The following CPNE4 variants were observed in gnomAD, a reference collection of about 807,000 sequenced individuals.
CPNE4 encodes the protein copine 4.
A neutral mutation model predicts 67.9 loss-of-function variants in CPNE4; 25 were observed. The observed-to-expected ratio is 0.37, with a 90% confidence interval of 0.27 to 0.51. CPNE4 has a LOEUF of 0.51. Among genes scored for constraint, CPNE4 ranks in the 20% least tolerant of loss-of-function variants. The pLI is 0.93. For synonymous variants in CPNE4, 242 were observed against 244.9 expected (o/e 0.99, Z 0.11); for missense variants, 464 against 690.8 (o/e 0.67, Z 3.68).
intron 2 of CPNE4, among the ~76,000 whole-genome samples, chr3:131,726,142 T>C (rs34314225): frequency 0.38 from 57,332 of 152,076 alleles, 10,928 homozygotes; most frequent in South Asian, 0.42. Flanking sequence ...GTTTAGATGA[T>C]AGAAGACAGG....
intron 2 of CPNE4, among the ~76,000 whole-genome samples, chr3:131,774,681 G>A (rs73220493): frequency 0.06 from 9,102 of 152,064 alleles, 343 homozygotes; most frequent in Non-Finnish European, 0.089. Context: ...GGTGCTTCAG[G>A]GTCTTCTACC....
chr3:131,882,773 G>A (rs1416159588), intron 2 of CPNE4, among the ~76,000 whole-genome samples: 1 of 145,560 alleles, frequency 6.9e-6, no homozygotes. Context: ...CCAGGCTGCA[G>A]TGGCACGATC....
rs55962721 is a variant in CPNE4 at position 131,603,008 on chromosome 3, T to G, written c.682-15426A>C. Among the ~76,000 whole-genome samples the G allele has an allele frequency of 9.9e-3, 1,501 of 152,262 alleles. 22 individuals are homozygous for G. The highest frequency in any genetic ancestry group is 0.053 in the East Asian group (274 of 5,178). On this transcript the variant is annotated intron_variant, in intron 7 of 15. Transcript: ENST00000429747. ...CTGATGAAGCACTGCTATAAAAAGT[T>G]CTGAAATTATAAGTATCTCTCCTTT...
At chr3:131,890,728 G>C (rs1179676643) in intron 2 of CPNE4, among the ~76,000 whole-genome samples, 1 of 152,050 alleles carries the variant, frequency 6.6e-6, no homozygotes, top group Non-Finnish European at 1.5e-5. Flanking sequence ...AGCAAAGAAA[G>C]TGTTGTATAA....
intron 2 of CPNE4, among the ~76,000 whole-genome samples, chr3:131,829,774 T>C (rs971316357): frequency 6.6e-6 from 1 of 152,234 alleles, no homozygotes; most frequent in African/African-American, 2.4e-5. Context: ...TTAAGCATCA[T>C]TTGTTTTTGA....
chr3:131,553,537 G>T (rs1013416534), intron 12 of CPNE4, among the ~76,000 whole-genome samples: 4 of 152,006 alleles, frequency 2.6e-5, no homozygotes, highest in Admixed American at 6.6e-5. Context: ...ATCCCTTGGG[G>T]TCCATGTGTG....
intron 7 of CPNE4, among the ~76,000 whole-genome samples, chr3:131,663,457 A>G (rs993624047): frequency 6.6e-6 from 1 of 152,258 alleles, no homozygotes. Context: ...TTGCACATGT[A>G]TCCTAGAACT....
At chr3:131,910,771 G>T (rs2088945950) in intron 1 of CPNE4, among the ~76,000 whole-genome samples, 1 of 152,144 alleles carries the variant, frequency 6.6e-6, no homozygotes, top group Non-Finnish European at 1.5e-5. Flanking sequence ...TGCACTTACT[G>T]GATAAAGGGC....
At chr3:131,921,571 G>T (rs1450307317) in intron 1 of CPNE4, among the ~76,000 whole-genome samples, 1 of 152,102 alleles carries the variant, frequency 6.6e-6, no homozygotes, top group African/African-American at 2.4e-5. Flanking sequence ...TTTTTAATCA[G>T]ATATCCTGAG....
intron 1 of CPNE4, among the ~76,000 whole-genome samples, chr3:131,932,331 A>C (rs753175059): frequency 3.3e-5 from 5 of 152,160 alleles, no homozygotes; most frequent in Non-Finnish European, 7.4e-5. Context: ...TCTGTGTCAA[A>C]GTGAGCCCAG....
intron 2 of CPNE4, among the ~76,000 whole-genome samples, chr3:131,751,543 T>TTGTA (rs1331699033): frequency 2.0e-5 from 3 of 152,256 alleles, no homozygotes; most frequent in Admixed American, 2.0e-4. Context: ...TTTATTTTCT[T>TTGTA]TTAAGTGTAT....
chr3:131,825,645 A>G (rs1054891174), intron 2 of CPNE4, among the ~76,000 whole-genome samples: 2 of 152,198 alleles, frequency 1.3e-5, no homozygotes, highest in African/African-American at 4.8e-5. Flanking sequence ...ACTGAAAAAG[A>G]TTTGAGCCAG....
At chr3:131,850,014 T>C (rs2086173460) in intron 2 of CPNE4, among the ~76,000 whole-genome samples, 1 of 152,170 alleles carries the variant, frequency 6.6e-6, no homozygotes, top group Admixed American at 6.5e-5. Context: ...ATTGTGAGTA[T>C]AGATGCTATA....
At chr3:131,792,623 A>ATATATATATACACGTGTGTATATATG (rs1560321051) in intron 2 of CPNE4, among the ~76,000 whole-genome samples, 14 of 76,042 alleles carry the variant, frequency 1.8e-4, no homozygotes, top group African/African-American at 6.4e-4. Flanking sequence ...ATATATGTAT[A>ATATATATATACACGTGTGTATATATG]TATATATACA....
At chr3:131,547,300 T>C (rs545847201) in intron 14 of CPNE4, among the ~76,000 whole-genome samples, 71 of 151,210 alleles carry the variant, frequency 4.7e-4, no homozygotes, top group African/African-American at 1.6e-3. Context: ...ACAAAAAATA[T>C]AAAAATTAGC....
At chr3:131,641,482 A>G (rs1364629723) in intron 7 of CPNE4, among the ~76,000 whole-genome samples, 2 of 152,174 alleles carry the variant, frequency 1.3e-5, no homozygotes, top group Non-Finnish European at 2.9e-5. Context: ...TCACATCTGC[A>G]AAAATGGCCA....
At chr3:131,856,583 T>C (rs1306003410) in intron 2 of CPNE4, among the ~76,000 whole-genome samples, 1 of 151,982 alleles carries the variant, frequency 6.6e-6, no homozygotes, top group African/African-American at 2.4e-5. Context: ...GCTAAGGTCC[T>C]GGAAGAGAAT....
intron 1 of CPNE4, among the ~76,000 whole-genome samples, chr3:131,931,134 T>C (rs920637581): frequency 1.3e-5 from 2 of 151,828 alleles, no homozygotes; most frequent in Non-Finnish European, 3.0e-5. Flanking sequence ...GTTTCCGTTA[T>C]GGTAGGAAGT....
chr3:131,955,681 G>A (rs1011890155), intron 1 of CPNE4, among the ~76,000 whole-genome samples: 5 of 152,012 alleles, frequency 3.3e-5, no homozygotes, highest in African/African-American at 4.8e-5. Context: ...CTGTCCCTCC[G>A]CAGTGCCGTT....
Sources: allele counts gnomAD v4.1 joint callset (sites outside exome capture counted in the v4.1 genomes callset), GRCh38; gene constraint gnomAD v4.1.1; transcripts MANE v1.5; gene names NCBI Gene and HGNC (gene_info 2026-07-23, HGNC 2026-07-21).